Variants in CD99L2 observed in about 807,000 individuals in gnomAD.
The protein encoded by CD99L2 is CD99 molecule like 2.
A neutral mutation model predicts 27.3 loss-of-function variants in CD99L2; 24 were observed. The observed-to-expected ratio is 0.88, with a 90% CI of 0.64 to 1.24. The LOEUF is 1.24. Ranked by LOEUF, CD99L2 falls within the 50% of genes most tolerant of loss-of-function variation. CD99L2 has a pLI of 0.00. For synonymous variants in CD99L2, 97 were observed against 87.9 expected (o/e 1.10, Z -0.58); for missense variants, 255 against 221.6 (o/e 1.15, Z -0.96).
chrX:150,879,414 A>T (rs1308290105), intron 1 of CD99L2, among the ~76,000 whole-genome samples: 1 of 111,458 alleles, frequency 9.0e-6, no homozygotes, highest in Non-Finnish European at 1.9e-5. Flanking sequence ...TTTGACCAAT[A>T]AGGTCCCTGC....
At chrX:150,847,670 T>C (rs1557421492) in intron 1 of CD99L2, among the ~76,000 whole-genome samples, 1 of 110,158 alleles carries the variant, frequency 9.1e-6, no homozygotes, top group Non-Finnish European at 1.9e-5. Flanking sequence ...TCCACAAAAC[T>C]AAATGCCAAG....
chrX:150,802,205 A>G (rs1569565945), intron 4 of CD99L2, among the ~76,000 whole-genome samples: 2 of 112,129 alleles, frequency 1.8e-5, no homozygotes, highest in Admixed American at 9.4e-5. Flanking sequence ...AAGTTCAACA[A>G]TATTGATCAC....
At chrX:150,784,122 G>C (rs1557419496) in intron 7 of CD99L2, among the ~76,000 whole-genome samples, 1 of 111,013 alleles carries the variant, frequency 9.0e-6, no homozygotes, top group Non-Finnish European at 1.9e-5. Context: ...TGGGGATAGG[G>C]AGAAAGGAAA....
At chrX:150,799,888 A>T (rs1167785100) in intron 4 of CD99L2, among the ~76,000 whole-genome samples, 1 of 112,004 alleles carries the variant, frequency 8.9e-6, no homozygotes, top group African/African-American at 3.3e-5. Flanking sequence ...CCATACCCAT[A>T]TGAATTGAAA....
At position 150,852,478 on chromosome X, in the gene CD99L2, T is replaced by C. The variant is rs189452105; in HGVS notation, c.68-21185A>G. On this transcript the variant is annotated intron_variant, in intron 1 of 10. Coordinates refer to ENST00000370377, the MANE Select transcript of CD99L2 (RefSeq NM_031462.4). ...CTGCTTGGGCACCTCAGACTCCTTT[T>C]TGAACAGCTTTGTTGAAAGTGTGAA... Among the ~76,000 whole-genome samples, 281 of 110,073 alleles carry C rather than the reference T, an allele frequency of 2.6e-3. 1 individual carries two copies. Among genetic ancestry groups the C allele is most frequent in the Non-Finnish European group, 3.6e-3 (188 of 52,836 alleles).
intron 1 of CD99L2, among the ~76,000 whole-genome samples, chrX:150,866,279 GAAC>G (rs1194618888): frequency 1.8e-5 from 2 of 110,943 alleles, no homozygotes; most frequent in Admixed American, 9.6e-5. Flanking sequence ...TGGGATCCTG[GAAC>G]AACAACAAAA....
intron 1 of CD99L2, among the ~76,000 whole-genome samples, chrX:150,870,286 G>A (rs927018623): frequency 3.6e-5 from 4 of 110,670 alleles, no homozygotes; most frequent in Non-Finnish European, 7.6e-5. Flanking sequence ...TTTATGTTCC[G>A]TGCAACACAG....
chrX:150,872,792 T>C (rs1051580466), intron 1 of CD99L2, among the ~76,000 whole-genome samples: 32 of 111,274 alleles, frequency 2.9e-4, no homozygotes, highest in Non-Finnish European at 7.5e-5. Context: ...AATTTCTAAA[T>C]AGGACAGTGT....
intron 1 of CD99L2, among the ~76,000 whole-genome samples, chrX:150,848,634 A>G (rs2046742391): frequency 9.0e-6 from 1 of 110,558 alleles, no homozygotes; most frequent in South Asian, 3.9e-4. Flanking sequence ...ATCTCAAGGC[A>G]TGTTAACTTT....
chrX:150,827,247 C>T (rs1048356461), intron 2 of CD99L2, among the ~76,000 whole-genome samples: 1 of 111,021 alleles, frequency 9.0e-6, no homozygotes, highest in Non-Finnish European at 1.9e-5. Context: ...AGTATCTGGA[C>T]CAAGGTGAGG....
At chrX:150,851,088 C>T (rs1322638003) in intron 1 of CD99L2, among the ~76,000 whole-genome samples, 4 of 111,642 alleles carry the variant, frequency 3.6e-5, no homozygotes, top group African/African-American at 1.3e-4. Context: ...ATCTGCCTGC[C>T]TCGGCCTCCC....
intron 9 of CD99L2, among the ~76,000 whole-genome samples, chrX:150,773,883 G>C: frequency 8.9e-6 from 1 of 112,114 alleles, no homozygotes; most frequent in Non-Finnish European, 1.9e-5. Context: ...TTGGCTCCCA[G>C]GGCATTAGCC....
rs2043353721 is a variant in CD99L2 at position 150,768,723 on chromosome X, G to A, written c.*311C>T. ...GTCATCAGGCCTCAGCATCATCTTG[G>A]CCCCCGCATCCTGTGCTCAGTAAAG... is the stretch of plus-strand genomic sequence containing the variant. On this transcript the variant is annotated 3_prime_UTR_variant, in exon 11 of 11. Transcript: ENST00000370377. The A allele has an allele frequency of 6.2e-6, 2 of 320,472 alleles. No homozygotes were observed. Among genetic ancestry groups the A allele is most frequent in the Non-Finnish European group, 1.0e-5 (2 of 193,108 alleles). The allele number at this position is 320,472 out of a possible 1,213,427, so 26.4% of individuals were successfully genotyped here.
chrX:150,881,430 A>G (rs1296744316), intron 1 of CD99L2, among the ~76,000 whole-genome samples: 3 of 112,058 alleles, frequency 2.7e-5, no homozygotes, highest in Non-Finnish European at 5.6e-5. Flanking sequence ...AATACCTGTC[A>G]CAATGCTCTG....
At chrX:150,824,309 AG>A (rs201897499) in intron 2 of CD99L2, among the ~76,000 whole-genome samples, 3,204 of 91,014 alleles carry the variant, frequency 0.035, 345 homozygotes, top group Non-Finnish European at 0.053. Context: ...GAAGAAGAGG[AG>A]GAGGAGGAGG....
At chrX:150,833,733 GAATGA>G (rs1251857989) in intron 1 of CD99L2, among the ~76,000 whole-genome samples, 2 of 111,756 alleles carry the variant, frequency 1.8e-5, no homozygotes, top group Admixed American at 1.9e-4. Flanking sequence ...ACATGTGGAA[GAATGA>G]AACTGGACCC....
In CD99L2 at chrX:150,873,426, G is replaced by A. The variant is rs1029582457; in HGVS notation, c.67+25096C>T. On this transcript the variant is annotated intron_variant, in intron 1 of 10. Coordinates refer to ENST00000370377, the MANE Select transcript of CD99L2 (RefSeq NM_031462.4). ...GGTTGTGAGGTGGGACAAATATGGA[G>A]TGACTGCTTAATAGATACAGGGTCT... Among the ~76,000 whole-genome samples the A allele has an allele frequency of 6.2e-5, 7 of 112,108 alleles. No homozygotes were observed. In the East Asian group the frequency reaches 2.0e-3, roughly 31 times the overall value.
At chrX:150,769,676 CCTGCGCCACCAGGCCTCGG>C (rs1161841692) in intron 10 of CD99L2, among the ~76,000 whole-genome samples, 132 of 90,527 alleles carry the variant, frequency 1.5e-3, no homozygotes, top group African/African-American at 7.2e-3. Flanking sequence ...AGTCTCCCTG[CCTGCGCCACCAGGCCTCGG>C]CTGCTCCCCG....
chrX:150,819,050 C>T lies in CD99L2; in HGVS notation c.131-2972G>A, dbSNP rs139757452. ...CATACAAGTCCTGGCATCTTGCCCA[C>T]AGCAAATGGTAGACCGAATACAAAT... On this transcript the variant is annotated intron_variant, in intron 2 of 10. Transcript: ENST00000370377. The T allele has an allele frequency of 4.7e-3, 1,452 of 311,582 alleles. 21 individuals are homozygous for T. Among genetic ancestry groups the T allele is most frequent in the African/African-American group, 0.036 (1,332 of 36,822 alleles). The allele number at this position is 311,582 out of a possible 1,213,427, so 25.7% of individuals were successfully genotyped here. A position where few individuals can be genotyped will look rare whatever the true frequency, so the allele number is the denominator to read the frequency against.
Sources: gnomAD v4.1 joint callset for allele counts (sites outside exome capture counted in the v4.1 genomes callset) on GRCh38, gnomAD v4.1.1 for gene constraint, MANE v1.5 for transcripts, NCBI Gene and HGNC (gene_info 2026-07-23, HGNC 2026-07-21) for gene names.